The following LRP1B variants were observed in gnomAD, a reference collection of about 807,000 sequenced individuals.
LRP1B encodes the protein LDL receptor related protein 1B, also known as low-density lipoprotein receptor-related protein 1B.
Under a neutral mutation model 556.6 loss-of-function variants are expected in LRP1B, and 217 were observed. The ratio of observed to expected loss-of-function variants is 0.39; its 90% CI spans 0.35 to 0.44. The LOEUF (loss-of-function observed/expected upper bound fraction) is 0.44, where lower values mean the gene tolerates loss of function less well. Ranked by LOEUF, LRP1B falls within the 20% of genes least tolerant of loss-of-function variation. LRP1B has a pLI of 1.00. For missense variants in LRP1B, 5,053 were observed against 5,620.8 expected (o/e 0.90, Z 3.23); for synonymous variants, 2,047 against 1,865.8 (o/e 1.10, Z -2.50).
intron 3 of LRP1B, among the ~76,000 whole-genome samples, chr2:141,331,469 C>T (rs1687641958): frequency 6.7e-6 from 1 of 149,294 alleles, no homozygotes; most frequent in South Asian, 2.1e-4. Flanking sequence ...GCTCAGGAAA[C>T]TCTTAATCTT....
intron 60 of LRP1B, among the ~76,000 whole-genome samples, chr2:140,466,116 TC>T (rs1272108918): frequency 1.4e-5 from 2 of 145,532 alleles, no homozygotes; most frequent in East Asian, 3.9e-4. Context: ...TTTCCTCTTT[TC>T]TTTTTTCTTT....
At chr2:140,836,351 A>C (rs1171567740) in intron 31 of LRP1B, among the ~76,000 whole-genome samples, 1 of 152,218 alleles carries the variant, frequency 6.6e-6, no homozygotes, top group East Asian at 1.9e-4. Flanking sequence ...GCAGTGATTC[A>C]TACTCAGATT....
chr2:141,147,841 T>A (rs946635600), intron 7 of LRP1B, among the ~76,000 whole-genome samples: 18 of 152,214 alleles, frequency 1.2e-4, no homozygotes, highest in African/African-American at 4.3e-4. Flanking sequence ...CATAAGTTTA[T>A]AATACCGTAT....
intron 23 of LRP1B, among the ~76,000 whole-genome samples, chr2:140,888,050 A>T (rs1044665473): frequency 2.0e-5 from 3 of 152,156 alleles, no homozygotes; most frequent in African/African-American, 7.2e-5. Flanking sequence ...TCTGTTATTT[A>T]AAAAATGTGG....
At chr2:140,779,089 CTA>C (rs72105450) in intron 32 of LRP1B, among the ~76,000 whole-genome samples, 49,693 of 151,526 alleles carry the variant, frequency 0.33, 8,150 homozygotes, top group African/African-American at 0.36. Flanking sequence ...ATTTTTAAGA[CTA>C]TAAAATGGTC....
intron 43 of LRP1B, among the ~76,000 whole-genome samples, chr2:140,564,621 A>G (rs1681059280): frequency 5.9e-5 from 9 of 152,136 alleles, no homozygotes; most frequent in Admixed American, 5.9e-4. Flanking sequence ...CTGACTTCCA[A>G]AATGATTAAC....
chr2:141,054,308 A>G (rs1012510797), intron 10 of LRP1B, among the ~76,000 whole-genome samples: 1 of 152,112 alleles, frequency 6.6e-6, no homozygotes, highest in African/African-American at 2.4e-5. Flanking sequence ...CACTGTAAAA[A>G]GCAGTCATCA....
chr2:141,120,950 G>T (rs1169832525), intron 7 of LRP1B, among the ~76,000 whole-genome samples: 1 of 151,884 alleles, frequency 6.6e-6, no homozygotes. Flanking sequence ...TTCTGACAAT[G>T]ATAAAAAAAA....
chr2:141,166,654 C>T (rs973621031), intron 7 of LRP1B, among the ~76,000 whole-genome samples: 1 of 150,796 alleles, frequency 6.6e-6, no homozygotes, highest in Non-Finnish European at 1.5e-5. Context: ...ATTTTTATAC[C>T]CATTAACCAT....
intron 1 of LRP1B, among the ~76,000 whole-genome samples, chr2:141,887,757 A>C (rs891851639): frequency 6.6e-6 from 1 of 152,164 alleles, no homozygotes; most frequent in Non-Finnish European, 1.5e-5. Flanking sequence ...ATCGATCATC[A>C]CCTATTCTCA....
intron 32 of LRP1B, among the ~76,000 whole-genome samples, chr2:140,781,321 T>A (rs1019065585): frequency 6.6e-6 from 1 of 152,188 alleles, no homozygotes; most frequent in Non-Finnish European, 1.5e-5. Context: ...TCTTTCATCA[T>A]GCATAATTCT....
intron 41 of LRP1B, among the ~76,000 whole-genome samples, chr2:140,651,018 T>A (rs1684663803): frequency 6.6e-6 from 1 of 151,990 alleles, no homozygotes; most frequent in African/African-American, 2.4e-5. Flanking sequence ...TATTAACAGC[T>A]AGTCATCAGT....
intron 1 of LRP1B, among the ~76,000 whole-genome samples, chr2:141,950,240 TA>T (rs1472308354): frequency 6.6e-6 from 1 of 152,170 alleles, no homozygotes; most frequent in Non-Finnish European, 1.5e-5. Flanking sequence ...AAAATATTTT[TA>T]AATTTAATTT....
At chr2:141,718,394 T>C (rs1027309493) in intron 2 of LRP1B, among the ~76,000 whole-genome samples, 1 of 152,156 alleles carries the variant, frequency 6.6e-6, no homozygotes, top group African/African-American at 2.4e-5. Flanking sequence ...GCACTAAATA[T>C]ACATTTTAAA....
At chr2:140,399,416 CT>C (rs1684398228) in intron 66 of LRP1B, among the ~76,000 whole-genome samples, 1 of 151,896 alleles carries the variant, frequency 6.6e-6, no homozygotes, top group Admixed American at 6.6e-5. Flanking sequence ...TTAATTATTT[CT>C]TTTGTTTTCC....
At chr2:140,332,772 A>G (rs1394412320) in intron 79 of LRP1B, among the ~76,000 whole-genome samples, 1 of 151,990 alleles carries the variant, frequency 6.6e-6, no homozygotes, top group African/African-American at 2.4e-5. Flanking sequence ...TCTGCATACA[A>G]CTACCGTCAT....
At position 140,907,935 on chromosome 2, in the gene LRP1B, C is replaced by T. The variant is rs1304403587; in HGVS notation, c.3462G>A (p.Glu1154=). 6.2e-7 allele frequency: 1 copy of T among 1,613,636 alleles called. No individual in the cohort carries two copies. The highest frequency in any genetic ancestry group is 1.7e-5 in the Admixed American group (1 of 59,952). The part of the protein sequence containing the change: ...ANDTSVCLQP[E]KLCNGKKDCP... ...AATCCTTTTTCCCATTGCAGAGTTT[C>T]TCTGGCTGCAGGCAGACTGAGGTGT... The change falls in exon 22 of 91, where the codon GAG becomes GAA. Residue 1154 remains glutamate, a synonymous_variant. Coordinates refer to ENST00000389484, the MANE Select transcript of LRP1B (RefSeq NM_018557.3).
At chr2:141,085,643 T>C (rs1024763320) in intron 7 of LRP1B, among the ~76,000 whole-genome samples, 1 of 152,172 alleles carries the variant, frequency 6.6e-6, no homozygotes, top group African/African-American at 2.4e-5. Flanking sequence ...CGAATTTCTG[T>C]TGTTTAAGCC....
At chr2:140,420,160 G>GA (rs773436187) in intron 66 of LRP1B, among the ~76,000 whole-genome samples, 14 of 149,618 alleles carry the variant, frequency 9.4e-5, no homozygotes, top group African/African-American at 2.5e-4. Flanking sequence ...ATTTATAGCA[G>GA]AAAAAAAAAC....
Sources: gnomAD v4.1 joint callset for allele counts (sites outside exome capture counted in the v4.1 genomes callset) on GRCh38, gnomAD v4.1.1 for gene constraint, MANE v1.5 for transcripts, NCBI Gene and HGNC (gene_info 2026-07-23, HGNC 2026-07-21) for gene names.